Variants in CREB5 observed in about 807,000 individuals in gnomAD.
CREB5 encodes the protein cyclic AMP-responsive element-binding protein 5.
Under a neutral mutation model 57.1 loss-of-function variants are expected in CREB5, and 19 were observed. The ratio of observed to expected loss-of-function variants is 0.33; its 90% confidence interval spans 0.23 to 0.49. The LOEUF is 0.49. Ranked by LOEUF, CREB5 falls within the 20% of genes least tolerant of loss-of-function variation. The pLI is 0.99. For missense variants in CREB5, 579 were observed against 671.6 expected (o/e 0.86, Z 1.52); for synonymous variants, 238 against 238.3 (o/e 1.00, Z 0.01).
intron 5 of CREB5, among the ~76,000 whole-genome samples, chr7:28,579,454 C>T (rs1032923733): frequency 6.6e-6 from 1 of 151,944 alleles, no homozygotes; most frequent in African/African-American, 2.4e-5. Flanking sequence ...ATAGTTTTCC[C>T]CCCTTTGGCA....
At chr7:28,318,170 A>G (rs1216650796) in intron 1 of CREB5, among the ~76,000 whole-genome samples, 2 of 152,198 alleles carry the variant, frequency 1.3e-5, no homozygotes, top group Non-Finnish European at 2.9e-5. Flanking sequence ...CTGACATTCC[A>G]ATCTACCACA....
chr7:28,508,642 C>T (rs1235976545), intron 4 of CREB5, among the ~76,000 whole-genome samples: 1 of 152,186 alleles, frequency 6.6e-6, no homozygotes, highest in African/African-American at 2.4e-5. Context: ...CCCCCCTCCA[C>T]CAGATTTTTC....
At chr7:28,763,962 G>A (rs181995247) in intron 7 of CREB5, among the ~76,000 whole-genome samples, 20 of 152,072 alleles carry the variant, frequency 1.3e-4, no homozygotes, top group Admixed American at 1.2e-3. Context: ...ACCATGCCCA[G>A]CTAATTATTT....
intron 4 of CREB5, 133 bp downstream of exon 4, chr7:28,507,870 A>AT (rs981524553): frequency 8.7e-5 from 98 of 1,122,574 alleles, no homozygotes; most frequent in South Asian, 1.7e-4. Flanking sequence ...TATTTGTCTA[A>AT]TTTTTTTTAA....
chr7:28,476,534 T>C (rs1583511068), intron 1 of CREB5, among the ~76,000 whole-genome samples: 2 of 120,462 alleles, frequency 1.7e-5, no homozygotes, highest in South Asian at 4.9e-4. Flanking sequence ...AGGAGAAAAT[T>C]AATATTCAGA....
intron 5 of CREB5, among the ~76,000 whole-genome samples, chr7:28,658,963 A>ATATATGTATATATATATATATATATATG (rs1554281592): frequency 7.7e-5 from 9 of 117,212 alleles, no homozygotes; most frequent in Admixed American, 1.7e-4. Flanking sequence ...GTATATATAT[A>ATATATGTATATATATATATATATATATG]TATATATATA....
At chr7:28,609,292 C>T (rs925153696) in intron 5 of CREB5, among the ~76,000 whole-genome samples, 2 of 152,088 alleles carry the variant, frequency 1.3e-5, no homozygotes, top group Non-Finnish European at 2.9e-5. Flanking sequence ...GCAGTCTGTC[C>T]ATTGCTTTGG....
chr7:28,461,138 G>T (rs1190470340), intron 1 of CREB5, among the ~76,000 whole-genome samples: 3 of 151,596 alleles, frequency 2.0e-5, no homozygotes, highest in African/African-American at 7.3e-5. Flanking sequence ...CAGGAGTACC[G>T]TTTGGGTCCA....
At chr7:28,744,803 A>G (rs1804602858) in intron 7 of CREB5, among the ~76,000 whole-genome samples, 1 of 152,248 alleles carries the variant, frequency 6.6e-6, no homozygotes, top group African/African-American at 2.4e-5. Flanking sequence ...TAAATATTAA[A>G]ATCTTAAACA....
chr7:28,410,637 G>T, upstream of CREB5: 1 of 442,414 alleles, frequency 2.3e-6, no homozygotes, highest in Non-Finnish European at 4.6e-6. Flanking sequence ...TCAAGGCCGG[G>T]GACTGGAGCG....
At chr7:28,441,687 C>A (rs1194841558) in intron 1 of CREB5, among the ~76,000 whole-genome samples, 1 of 152,178 alleles carries the variant, frequency 6.6e-6, no homozygotes, top group African/African-American at 2.4e-5. Context: ...ATCCTCATAG[C>A]ACCAGGTGAA....
At chr7:28,723,187 T>C (rs1803138417) in intron 6 of CREB5, among the ~76,000 whole-genome samples, 1 of 152,166 alleles carries the variant, frequency 6.6e-6, no homozygotes, top group African/African-American at 2.4e-5. Flanking sequence ...TTGAAGAATC[T>C]ATTCTTGTCC....
At chr7:28,310,768 T>C (rs1785261588) in intron 1 of CREB5, among the ~76,000 whole-genome samples, 2 of 152,250 alleles carry the variant, frequency 1.3e-5, no homozygotes, top group Non-Finnish European at 2.9e-5. Flanking sequence ...CATGTCATTT[T>C]TACCTCTACG....
intron 5 of CREB5, among the ~76,000 whole-genome samples, chr7:28,677,375 A>T (rs1380476405): frequency 6.6e-6 from 1 of 152,116 alleles, no homozygotes. Context: ...TAATACCTGG[A>T]GACCTACGTT....
intron 5 of CREB5, among the ~76,000 whole-genome samples, chr7:28,628,385 C>T (rs1798081337): frequency 6.6e-6 from 1 of 152,180 alleles, no homozygotes; most frequent in Admixed American, 6.5e-5. Context: ...CTGGTCACCT[C>T]TTCTAGTTCT....
chr7:28,520,693 A>C (rs934560945), intron 4 of CREB5, among the ~76,000 whole-genome samples: 4 of 152,230 alleles, frequency 2.6e-5, no homozygotes, highest in African/African-American at 9.6e-5. Flanking sequence ...AAGAGTTCTA[A>C]ATCTTGGCAG....
At chr7:28,724,425 G>A in intron 7 of CREB5, 93 bp downstream of exon 7, 1 of 1,035,810 alleles carries the variant, frequency 9.7e-7, no homozygotes, top group Non-Finnish European at 1.5e-6. Flanking sequence ...GCTAGGTAGA[G>A]GGCTCCATCT....
intron 5 of CREB5, among the ~76,000 whole-genome samples, chr7:28,606,871 T>A (rs1411964908): frequency 6.6e-6 from 1 of 152,224 alleles, no homozygotes; most frequent in Non-Finnish European, 1.5e-5. Context: ...GGGTACATAG[T>A]GATGTTTGAA....
In CREB5 at chr7:28,724,298, C is replaced by T. The variant is rs1803212137; in HGVS notation, c.668C>T (p.Pro223Leu). ...GPNLSNPCAS[P>L]QVQPMHSEAK... ...AATCTCAGCAACCCCTGTGCTTCTC[C>T]CCAGGTCCAGCCAATGCATTCAGAA... Residue 223 changes from proline to leucine, a missense_variant, in exon 7 of 11, where the codon CCC becomes CTC. This residue lies in a region of CREB5 where 459 missense variants were observed against 515.7 expected (regional missense o/e 0.89). Transcript: ENST00000357727. The T allele has an allele frequency of 6.2e-7, 1 of 1,613,682 alleles. No individual in the cohort carries two copies. Among genetic ancestry groups the T allele is most frequent in the African/African-American group, 1.3e-5 (1 of 74,882 alleles).
Sources: allele counts gnomAD v4.1 joint callset (sites outside exome capture counted in the v4.1 genomes callset), GRCh38; gene constraint gnomAD v4.1.1; regional missense constraint gnomAD v4.1.1; transcripts MANE v1.5; gene names NCBI Gene and HGNC (gene_info 2026-07-23, HGNC 2026-07-21).